SORCS1: variants seen among roughly 807,000 people sequenced by gnomAD.
The protein encoded by SORCS1 is sortilin related VPS10 domain containing receptor 1, also known as VPS10 domain-containing receptor SorCS1.
A neutral mutation model predicts 146.1 loss-of-function variants in SORCS1; 60 were observed. The ratio of observed to expected loss-of-function variants is 0.41; its 90% CI spans 0.33 to 0.51. SORCS1 has a LOEUF of 0.51. SORCS1 is among the 20% of genes least tolerant of loss of function. SORCS1 has a pLI of 0.21. For synonymous variants in SORCS1, 637 were observed against 584.0 expected (o/e 1.09, Z -1.31); for missense variants, 1,352 against 1,487.6 (o/e 0.91, Z 1.50).
chr10:106,992,894 C>T (rs761794529), intron 1 of SORCS1, among the ~76,000 whole-genome samples: 47 of 136,478 alleles, frequency 3.4e-4, no homozygotes, highest in Non-Finnish European at 5.4e-4. Context: ...CACAGTGGCG[C>T]GATCTAGGCT....
chr10:106,821,327 T>C (rs527868921), intron 3 of SORCS1, among the ~76,000 whole-genome samples: 1 of 152,316 alleles, frequency 6.6e-6, no homozygotes, highest in East Asian at 1.9e-4. Flanking sequence ...AAAAAAGCAT[T>C]ATCTAAACTT....
At chr10:107,046,535 A>G (rs1217995440) in intron 1 of SORCS1, among the ~76,000 whole-genome samples, 3 of 152,170 alleles carry the variant, frequency 2.0e-5, no homozygotes, top group Admixed American at 6.5e-5. Flanking sequence ...TAAGGTCTAC[A>G]CAAATCAACA....
intron 18 of SORCS1, among the ~76,000 whole-genome samples, chr10:106,639,087 T>C (rs1848896807): frequency 6.6e-6 from 1 of 152,196 alleles, no homozygotes; most frequent in Admixed American, 6.5e-5. Flanking sequence ...AGGTAGAGAC[T>C]TACCACTGCA....
At chr10:106,880,864 G>A (rs577993173) in intron 2 of SORCS1, among the ~76,000 whole-genome samples, 6 of 151,950 alleles carry the variant, frequency 3.9e-5, no homozygotes, top group South Asian at 4.2e-4. Context: ...CGAGGCGGGC[G>A]GATCACAAGG....
intron 3 of SORCS1, among the ~76,000 whole-genome samples, chr10:106,799,265 A>G (rs1946746936): frequency 6.6e-6 from 1 of 152,194 alleles, no homozygotes; most frequent in African/African-American, 2.4e-5. Context: ...CAGACCTAAA[A>G]CCATAAAAAC....
intron 1 of SORCS1, among the ~76,000 whole-genome samples, chr10:107,024,043 G>A (rs755021626): frequency 1.3e-4 from 19 of 151,974 alleles, no homozygotes; most frequent in South Asian, 2.1e-4. Flanking sequence ...GCATGGTGGC[G>A]TATGCCTGTA....
intron 5 of SORCS1, among the ~76,000 whole-genome samples, chr10:106,735,329 CCTA>C (rs1234135013): frequency 1.3e-5 from 2 of 151,920 alleles, no homozygotes; most frequent in African/African-American, 4.8e-5. Context: ...ATTCCAAACC[CCTA>C]CTATGAAATA....
intron 9 of SORCS1, among the ~76,000 whole-genome samples, chr10:106,693,270 C>T (rs1259349412): frequency 1.3e-5 from 2 of 152,162 alleles, no homozygotes; most frequent in Admixed American, 1.3e-4. Context: ...TTCATATTAT[C>T]CTTATTTTAC....
intron 2 of SORCS1, among the ~76,000 whole-genome samples, chr10:106,916,402 T>C (rs1318714997): frequency 6.6e-6 from 1 of 151,208 alleles, no homozygotes; most frequent in Non-Finnish European, 1.5e-5. Context: ...TTGTTTCTAA[T>C]TGTGTATGTG....
At chr10:106,785,358 C>T (rs1034307617) in intron 3 of SORCS1, among the ~76,000 whole-genome samples, 2 of 152,122 alleles carry the variant, frequency 1.3e-5, no homozygotes, top group East Asian at 3.9e-4. Flanking sequence ...TGCCTACATC[C>T]CTCCTCTCCT....
chr10:106,835,995 G>C (rs923181268), intron 2 of SORCS1, among the ~76,000 whole-genome samples: 2 of 139,256 alleles, frequency 1.4e-5, no homozygotes, highest in East Asian at 2.2e-4. Context: ...ACAGGAGCGA[G>C]ACTGCGTCTA....
rs182955386 is a variant in SORCS1, at chr10:106,887,372, T to C, written c.627-57699A>G. On this transcript the variant is annotated intron_variant, in intron 2 of 25. Coordinates refer to ENST00000263054, the MANE Select transcript of SORCS1 (RefSeq NM_052918.5). ...AATAGAAATCAAGATGGCAAAATCA[T>C]GCCTGACATTCAGTAATTTTAGATG... Among the ~76,000 whole-genome samples the C allele has an allele frequency of 4.6e-3, 701 of 152,328 alleles. 1 individual carries two copies. The highest frequency in any genetic ancestry group is 6.4e-3 in the Non-Finnish European group (433 of 68,030).
chr10:106,644,997 G>A (rs981356245), intron 18 of SORCS1, among the ~76,000 whole-genome samples: 4 of 152,084 alleles, frequency 2.6e-5, no homozygotes, highest in Non-Finnish European at 5.9e-5. Context: ...AAGTGGAAAC[G>A]CTGGGACATA....
At chr10:106,926,858 CACACACACAGAG>C (rs1446188145) in intron 2 of SORCS1, among the ~76,000 whole-genome samples, 6 of 103,334 alleles carry the variant, frequency 5.8e-5, no homozygotes, top group African/African-American at 2.0e-4. Flanking sequence ...CACACACACA[CACACACACAGAG>C]AGAGAGAGAG....
chr10:106,913,773 C>T (rs977401923), intron 2 of SORCS1, among the ~76,000 whole-genome samples: 5 of 152,168 alleles, frequency 3.3e-5, no homozygotes, highest in African/African-American at 1.2e-4. Context: ...GGTGAAGCCC[C>T]CAGAGCAGGC....
At chr10:106,718,328 A>G (rs1337015616) in intron 6 of SORCS1, among the ~76,000 whole-genome samples, 1 of 152,208 alleles carries the variant, frequency 6.6e-6, no homozygotes, top group East Asian at 1.9e-4. Flanking sequence ...TGTGTCCGCA[A>G]TTGGTTCCTT....
intron 2 of SORCS1, among the ~76,000 whole-genome samples, chr10:106,873,637 T>C (rs750622972): frequency 7.3e-6 from 1 of 136,848 alleles, no homozygotes. Context: ...CATACGTTCC[T>C]GCTTTTTAGA....
At chr10:106,808,624 T>A (rs1022552526) in intron 3 of SORCS1, among the ~76,000 whole-genome samples, 1 of 152,128 alleles carries the variant, frequency 6.6e-6, no homozygotes, top group Non-Finnish European at 1.5e-5. Flanking sequence ...TGCCTCAGCC[T>A]CCCTAGCAGC....
Position 107,022,254 on chromosome 10 carries a change from G to T in SORCS1, c.559-65674C>A, listed in dbSNP as rs927200381. ...TTTCTTCCAAAGAACTCTGGTGAAG[G>T]CCGGGTTAATTAACTTGCATTCTCA... On this transcript the variant is annotated intron_variant, in intron 1 of 25. Transcript: ENST00000263054. Among the ~76,000 whole-genome samples the T allele has an allele frequency of 4.6e-5, 7 of 152,056 alleles. 1 individual carries two copies. Among genetic ancestry groups the T allele is most frequent in the Non-Finnish European group, 8.8e-5 (6 of 68,026 alleles).
Sources: allele counts gnomAD v4.1 joint callset (sites outside exome capture counted in the v4.1 genomes callset), GRCh38; gene constraint gnomAD v4.1.1; transcripts MANE v1.5; gene names NCBI Gene and HGNC (gene_info 2026-07-23, HGNC 2026-07-21).